The following ABCB1 variants were observed in gnomAD, a reference collection of about 807,000 sequenced individuals.
The protein encoded by ABCB1 is ATP binding cassette subfamily B member 1, also known as ATP-dependent translocase ABCB1.
ABCB1 carries 69 observed loss-of-function variants against 142.0 expected under a neutral mutation model. The observed-to-expected ratio is 0.49, with a 90% CI of 0.40 to 0.59. The LOEUF (loss-of-function observed/expected upper bound fraction) is 0.59. Ranked by LOEUF, ABCB1 falls within the 20% of genes least tolerant of loss-of-function variation. The pLI, the probability that ABCB1 is intolerant of heterozygous loss-of-function variation, is 0.00. For missense variants in ABCB1, 1,326 were observed against 1,554.7 expected (o/e 0.85, Z 2.47); for synonymous variants, 532 against 539.2 (o/e 0.99, Z 0.18).
chr7:87,597,205 A>G (rs1426407146), intron 2 of ABCB1, among the ~76,000 whole-genome samples: 1 of 152,078 alleles, frequency 6.6e-6, no homozygotes, highest in Non-Finnish European at 1.5e-5. Flanking sequence ...ATCGCATCAC[A>G]TTAAAATGCA....
At chr7:87,555,391 T>C (rs1458902136) in intron 8 of ABCB1, among the ~76,000 whole-genome samples, 2 of 152,218 alleles carry the variant, frequency 1.3e-5, no homozygotes, top group East Asian at 3.8e-4. Context: ...CACAACTATA[T>C]AAATATTATA....
chr7:87,549,761 C>A, intron 13 of ABCB1, 90 bp downstream of exon 13: 3 of 1,479,990 alleles, frequency 2.0e-6, no homozygotes, highest in Non-Finnish European at 2.8e-6. Flanking sequence ...TCCCTTCTTC[C>A]GATTTATAGT....
chr7:87,536,772 G>GTGTT (rs988423749), intron 19 of ABCB1, among the ~76,000 whole-genome samples: 5 of 152,180 alleles, frequency 3.3e-5, no homozygotes, highest in Non-Finnish European at 5.9e-5. Flanking sequence ...TGATTTCTAA[G>GTGTT]TGTTGGACCT....
chr7:87,696,338 A>G (rs907815972), intron 1 of ABCB1, among the ~76,000 whole-genome samples: 1 of 152,162 alleles, frequency 6.6e-6, no homozygotes, highest in South Asian at 2.1e-4. Flanking sequence ...TTTTAAAGGC[A>G]TGAGTAGCTT....
intron 1 of ABCB1, among the ~76,000 whole-genome samples, chr7:87,699,274 G>T (rs985411328): frequency 6.6e-6 from 1 of 151,992 alleles, no homozygotes; most frequent in African/African-American, 2.4e-5. Context: ...TCTACAAGAA[G>T]ATTAAACAAC....
intron 1 of ABCB1, among the ~76,000 whole-genome samples, chr7:87,683,133 C>G (rs921184251): frequency 6.6e-6 from 1 of 152,078 alleles, no homozygotes; most frequent in African/African-American, 2.4e-5. Flanking sequence ...TCAAACTTTT[C>G]TTCTGCGGCG....
chr7:87,525,963 T>G (rs989431300), intron 21 of ABCB1, among the ~76,000 whole-genome samples: 3 of 152,222 alleles, frequency 2.0e-5, no homozygotes, highest in Admixed American at 2.0e-4. Context: ...AAAGCAGTCC[T>G]GAATAACCGA....
chr7:87,649,631 ATAGTACACTT>A (rs1585000546), intron 1 of ABCB1, among the ~76,000 whole-genome samples: 1 of 152,206 alleles, frequency 6.6e-6, no homozygotes, highest in East Asian at 1.9e-4. Context: ...AAGGAAAAAT[ATAGTACACTT>A]TACAGATTTG....
intron 21 of ABCB1, among the ~76,000 whole-genome samples, chr7:87,529,612 G>T (rs948136164): frequency 6.6e-6 from 1 of 152,188 alleles, no homozygotes; most frequent in Non-Finnish European, 1.5e-5. Context: ...CCTGTGGTTT[G>T]CATGAATTAG....
intron 1 of ABCB1, among the ~76,000 whole-genome samples, chr7:87,639,725 T>A (rs1822234423): frequency 6.6e-6 from 1 of 152,134 alleles, no homozygotes; most frequent in Admixed American, 6.5e-5. Context: ...TTAGCTAATG[T>A]TAATATGATG....
At chr7:87,540,865 T>C (rs1816504759) in intron 18 of ABCB1, among the ~76,000 whole-genome samples, 1 of 152,232 alleles carries the variant, frequency 6.6e-6, no homozygotes, top group African/African-American at 2.4e-5. Context: ...TGTTGGAGGA[T>C]TGACATTCTT....
chr7:87,674,863 G>A (rs1826168377), intron 1 of ABCB1, among the ~76,000 whole-genome samples: 1 of 152,124 alleles, frequency 6.6e-6, no homozygotes, highest in African/African-American at 2.4e-5. Flanking sequence ...GTCCAGGTCT[G>A]ACGGTCACCC....
rs200185314 is a variant in ABCB1 at position 87,503,886 on chromosome 7, A to G, written c.*357T>C. 3.3e-6 allele frequency: 1 copy of G among 304,024 alleles called. No individual in the cohort carries two copies. Among genetic ancestry groups the G allele is most frequent in the Non-Finnish European group, 6.3e-6 (1 of 159,324 alleles). 18.8% of individuals were successfully genotyped at this position (304,024 alleles called of 1,614,324 possible). On this transcript the variant is annotated 3_prime_UTR_variant, in exon 28 of 28. Coordinates refer to ENST00000622132, the MANE Select transcript of ABCB1 (RefSeq NM_001348946.2). Reference sequence around the variant, plus strand: ...AGTCACATGAAAGTTTAGTTTTATTATAGACACTTTATGCAAACATTTCAA... The same window carrying G: ...AGTCACATGAAAGTTTAGTTTTATTGTAGACACTTTATGCAAACATTTCAA...
intron 25 of ABCB1, among the ~76,000 whole-genome samples, chr7:87,511,834 G>C (rs1324737360): frequency 6.6e-6 from 1 of 152,194 alleles, no homozygotes; most frequent in Admixed American, 6.5e-5. Context: ...ACAATGACAA[G>C]CAGCTTCTAA....
chr7:87,619,538 CA>C (rs397829281), intron 1 of ABCB1, among the ~76,000 whole-genome samples: 2,959 of 77,668 alleles, frequency 0.038, 31 homozygotes, highest in Middle Eastern at 0.056. Flanking sequence ...AACTCCATCT[CA>C]AAAAAAAAAA....
intron 1 of ABCB1, among the ~76,000 whole-genome samples, chr7:87,613,271 T>TTTTTTTTTTTTTC: frequency 6.9e-6 from 1 of 145,602 alleles, no homozygotes; most frequent in Non-Finnish European, 1.5e-5. Flanking sequence ...TTTTTTTTTT[T>TTTTTTTTTTTTTC]TTTTTTTTTT....
intron 1 of ABCB1, among the ~76,000 whole-genome samples, chr7:87,635,235 A>C (rs1221577492): frequency 6.6e-6 from 1 of 151,944 alleles, no homozygotes. Context: ...ATTGCTCCAC[A>C]CTCTTCTATC....
intron 1 of ABCB1, among the ~76,000 whole-genome samples, chr7:87,653,512 A>G (rs1157992513): frequency 6.6e-6 from 1 of 152,048 alleles, no homozygotes; most frequent in Non-Finnish European, 1.5e-5. Flanking sequence ...TAACAGGGGG[A>G]CATATAGTCT....
At chr7:87,510,176 C>T (rs1391139556) in intron 25 of ABCB1, among the ~76,000 whole-genome samples, 5 of 152,174 alleles carry the variant, frequency 3.3e-5, no homozygotes, top group African/African-American at 9.7e-5. Context: ...TAATACAACG[C>T]CTAATACTTC....
Sources: gnomAD v4.1 joint callset for allele counts (sites outside exome capture counted in the v4.1 genomes callset) on GRCh38, gnomAD v4.1.1 for gene constraint, MANE v1.5 for transcripts, NCBI Gene and HGNC (gene_info 2026-07-23, HGNC 2026-07-21) for gene names.